MDGA2: variants seen among roughly 807,000 people sequenced by gnomAD.
MDGA2 encodes MAM domain-containing glycosylphosphatidylinositol anchor protein 2.
A neutral mutation model predicts 117.8 loss-of-function variants in MDGA2; 40 were observed. The observed-to-expected ratio is 0.34, with a 90% CI of 0.26 to 0.44. The LOEUF (loss-of-function observed/expected upper bound fraction) is 0.44, where lower values mean the gene tolerates loss of function less well. Among genes scored for constraint, MDGA2 ranks in the 20% least tolerant of loss-of-function variants. MDGA2 has a pLI of 1.00. For synonymous variants in MDGA2, 452 were observed against 439.0 expected, an observed-to-expected ratio of 1.03 and a Z score of -0.37; for missense variants, 1,123 against 1,250.6, an observed-to-expected ratio of 0.90 and a Z score of 1.54.
intron 9 of MDGA2, among the ~76,000 whole-genome samples, chr14:46,944,318 T>C (rs1427069451): frequency 6.6e-6 from 1 of 152,120 alleles, no homozygotes; most frequent in South Asian, 2.1e-4. Flanking sequence ...AGCTGTATTG[T>C]TTCTAATGAG....
chr14:47,058,224 T>A (rs1467084624), intron 7 of MDGA2, among the ~76,000 whole-genome samples: 1 of 152,118 alleles, frequency 6.6e-6, no homozygotes, highest in Non-Finnish European at 1.5e-5. Context: ...TGAGATTCGA[T>A]GTAAGATTTT....
intron 1 of MDGA2, among the ~76,000 whole-genome samples, chr14:47,646,237 A>C (rs1897532048): frequency 6.6e-6 from 1 of 152,094 alleles, no homozygotes. Context: ...ATTGTCTAGG[A>C]TAGATTACCA....
In MDGA2 at chr14:47,186,750, T is replaced by G. The variant is rs533398087; in HGVS notation, c.595+31271A>C. 2.0e-5 allele frequency among the ~76,000 whole-genome samples: 3 copies of G among 152,070 alleles called. No individual in the cohort carries two copies. The South Asian group carries it at 6.2e-4, about 31-fold the overall frequency. ...AACTGTCATTGAAACCTCTAGTAATTTAATCCTTCTCAAATTACTCGACAT... is the reference window on the plus strand; with the variant it reads ...AACTGTCATTGAAACCTCTAGTAATGTAATCCTTCTCAAATTACTCGACAT... On this transcript the variant is annotated intron_variant, in intron 3 of 16. Transcript: ENST00000399232.
chr14:47,626,272 C>T (rs1463426115), intron 1 of MDGA2: 1 of 152,248 alleles, frequency 6.6e-6, no homozygotes, highest in Non-Finnish European at 1.5e-5. Context: ...TACTTGTCTC[C>T]TGAATTCTGG....
At chr14:47,342,282 A>ATATATATATATATAT (rs1566746810) in intron 1 of MDGA2, among the ~76,000 whole-genome samples, 11 of 138,674 alleles carry the variant, frequency 7.9e-5, no homozygotes, top group African/African-American at 2.3e-4. Context: ...ATATATATAT[A>ATATATATATATATAT]AAATATGTTA....
At chr14:47,225,261 C>G (rs1038574337) in intron 2 of MDGA2, among the ~76,000 whole-genome samples, 2 of 152,028 alleles carry the variant, frequency 1.3e-5, no homozygotes, top group African/African-American at 4.8e-5. Context: ...TGGCGATCCT[C>G]AGGGATCTAG....
intron 7 of MDGA2, among the ~76,000 whole-genome samples, chr14:47,057,489 C>G (rs1889721183): frequency 6.6e-6 from 1 of 151,864 alleles, no homozygotes; most frequent in Non-Finnish European, 1.5e-5. Flanking sequence ...AAAATACTCC[C>G]AATGAAACAA....
At chr14:47,566,068 A>T (rs971744841) in intron 1 of MDGA2, among the ~76,000 whole-genome samples, 3 of 152,176 alleles carry the variant, frequency 2.0e-5, no homozygotes, top group Non-Finnish European at 4.4e-5. Context: ...GCCAGCAGGG[A>T]AGGAGAGGCA....
At chr14:47,641,436 T>C (rs942783849) in intron 1 of MDGA2, among the ~76,000 whole-genome samples, 1 of 151,980 alleles carries the variant, frequency 6.6e-6, no homozygotes, top group Non-Finnish European at 1.5e-5. Context: ...CAGGTCCAAA[T>C]GTGACTGTAA....
intron 1 of MDGA2, among the ~76,000 whole-genome samples, chr14:47,381,367 C>A (rs960011943): frequency 3.3e-5 from 5 of 152,080 alleles, no homozygotes; most frequent in African/African-American, 1.2e-4. Context: ...CCAGGGCAAT[C>A]AGACAGGAGA....
At chr14:47,080,788 A>G (rs1890682672) in intron 6 of MDGA2, among the ~76,000 whole-genome samples, 1 of 152,146 alleles carries the variant, frequency 6.6e-6, no homozygotes, top group African/African-American at 2.4e-5. Flanking sequence ...GCCTGCATCT[A>G]TCATCCTCCG....
intron 6 of MDGA2, among the ~76,000 whole-genome samples, chr14:47,075,264 C>A (rs960723433): frequency 1.3e-5 from 2 of 152,184 alleles, no homozygotes; most frequent in African/African-American, 4.8e-5. Flanking sequence ...ATTTTGTATT[C>A]TCTGGACTCT....
intron 7 of MDGA2, among the ~76,000 whole-genome samples, chr14:47,042,311 TG>T (rs72255383): frequency 6.9e-4 from 53 of 76,752 alleles, no homozygotes; most frequent in Middle Eastern, 6.6e-3. Context: ...ACCAAATCTA[TG>T]TTTTTTTTTT....
At chr14:46,851,775 T>G (rs1469700305) in intron 15 of MDGA2, among the ~76,000 whole-genome samples, 1 of 151,842 alleles carries the variant, frequency 6.6e-6, no homozygotes, top group Non-Finnish European at 1.5e-5. Flanking sequence ...TGAGTAATAT[T>G]AAAACCTCTC....
chr14:47,240,798 C>G (rs1243221749), intron 2 of MDGA2, among the ~76,000 whole-genome samples: 1 of 151,922 alleles, frequency 6.6e-6, no homozygotes, highest in Non-Finnish European at 1.5e-5. Context: ...CTCTCCTGAT[C>G]TCCCAATTAG....
chr14:47,601,326 A>G (rs1306068612), intron 1 of MDGA2, among the ~76,000 whole-genome samples: 2 of 152,180 alleles, frequency 1.3e-5, no homozygotes, highest in Non-Finnish European at 1.5e-5. Context: ...CTTTGAGGTG[A>G]CAGGCCATGA....
chr14:47,430,276 T>C lies in MDGA2; in HGVS notation c.281-128726A>G, dbSNP rs11849098. Among the ~76,000 whole-genome samples, 232 of 152,180 alleles carry C rather than the reference T, an allele frequency of 1.5e-3. 2 individuals are homozygous for C. The highest frequency in any genetic ancestry group is 5.3e-3 in the African/African-American group (220 of 41,554). On this transcript the variant is annotated intron_variant, in intron 1 of 16. Coordinates refer to ENST00000399232, the MANE Select transcript of MDGA2 (RefSeq NM_001113498.3). The stretch of plus-strand genomic sequence containing the variant: ...AAGTAAAGCCACTAAAACAGGCTGA[T>C]GAGTTGATCAGAAATTATAAACTAA...
intron 8 of MDGA2, among the ~76,000 whole-genome samples, chr14:46,971,133 C>A (rs1886245147): frequency 6.6e-6 from 1 of 151,954 alleles, no homozygotes; most frequent in Non-Finnish European, 1.5e-5. Context: ...AATTAGTATA[C>A]CCACTACAGA....
chr14:47,207,991 T>C (rs1260771651), intron 3 of MDGA2, among the ~76,000 whole-genome samples: 1 of 152,058 alleles, frequency 6.6e-6, no homozygotes, highest in Admixed American at 6.6e-5. Flanking sequence ...AAATATCAAG[T>C]ATTGAAGCAA....
Sources: allele counts gnomAD v4.1 joint callset (sites outside exome capture counted in the v4.1 genomes callset), GRCh38; gene constraint gnomAD v4.1.1; transcripts MANE v1.5; gene names NCBI Gene and HGNC (gene_info 2026-07-23, HGNC 2026-07-21).